The following ZNF774 variants were observed in gnomAD, a reference collection of about 807,000 sequenced individuals.
ZNF774 encodes zinc finger protein 774.
Under a neutral mutation model 11.1 loss-of-function variants are expected in ZNF774, and 14 were observed. The ratio of observed to expected loss-of-function variants is 1.26; its 90% CI spans 0.83 to 1.97. The LOEUF (loss-of-function observed/expected upper bound fraction) is 1.97. ZNF774 is among the 30% of genes most tolerant of loss of function. ZNF774 has a pLI of 0.00. For missense variants in ZNF774, 599 were observed against 587.0 expected, an observed-to-expected ratio of 1.02 and a Z score of -0.21; for synonymous variants, 195 against 212.6, an observed-to-expected ratio of 0.92 and a Z score of 0.72.
intron 3 of ZNF774, among the ~76,000 whole-genome samples, chr15:90,359,832 T>C (rs1393919284): frequency 3.0e-5 from 4 of 135,586 alleles, no homozygotes; most frequent in African/African-American, 9.9e-5. Flanking sequence ...TCAAGATTCA[T>C]CTGGCCATCT....
Position 90,360,853 on chromosome 15 carries a change from A to G in ZNF774, c.1022A>G (p.His341Arg), listed in dbSNP as rs772544345. 2.5e-5 allele frequency: 40 copies of G among 1,614,172 alleles called. No homozygotes were observed. The Middle Eastern group carries it at 4.9e-4, about 20-fold the overall frequency. ...SSHFVAHMST[H>R]SGERPFSCPD... Reference sequence around the variant, plus strand: ...CATTTTGTAGCTCACATGAGCACTCATTCAGGAGAGAGGCCTTTCAGTTGT... The same window carrying G: ...CATTTTGTAGCTCACATGAGCACTCGTTCAGGAGAGAGGCCTTTCAGTTGT... Residue 341 changes from histidine (H) to arginine (R), a missense_variant, in exon 4 of 4, where the codon CAT (histidine) becomes CGT (arginine). His to Arg is a conservative substitution (Grantham distance 29). Coordinates refer to ENST00000354377, the MANE Select transcript of ZNF774 (RefSeq NM_001004309.3).
intron 2 of ZNF774, among the ~76,000 whole-genome samples, chr15:90,358,365 T>C (rs1964276228): frequency 6.6e-6 from 1 of 152,240 alleles, no homozygotes; most frequent in Non-Finnish European, 1.5e-5. Context: ...ATGGAATTTC[T>C]TTGATTATAG....
In ZNF774 at chr15:90,362,380, C is replaced by G. The variant is rs1964348708; in HGVS notation, c.*1097C>G. Reference sequence around the variant, plus strand: ...CCTACAATGAACAAGCCAGAGGGACCTGGTAGAGGACTATAAAATTGTGGA... The same window carrying G: ...CCTACAATGAACAAGCCAGAGGGACGTGGTAGAGGACTATAAAATTGTGGA... On this transcript the variant is annotated 3_prime_UTR_variant, in exon 4 of 4. Transcript: ENST00000354377. 4.8e-6 allele frequency: 3 copies of G among 623,678 alleles called. No homozygotes were observed. Among genetic ancestry groups the G allele is most frequent in the East Asian group, 5.5e-5 (2 of 36,146 alleles). 38.6% of individuals were successfully genotyped at this position (623,678 alleles called of 1,614,324 possible). A position where few individuals can be genotyped will look rare whatever the true frequency, so the allele number is the denominator to read the frequency against.
At chr15:90,353,620 A>G (rs565047258) in intron 1 of ZNF774, among the ~76,000 whole-genome samples, 7 of 150,712 alleles carry the variant, frequency 4.6e-5, no homozygotes, top group African/African-American at 1.7e-4. Flanking sequence ...AGGGAGAGAC[A>G]GGGGCTCACT....
At position 90,361,310 on chromosome 15, in the gene ZNF774, C is replaced by G. The variant is rs1964334299; in HGVS notation, c.*27C>G. 1 of 1,550,286 alleles carries G rather than the reference C, an allele frequency of 6.5e-7. No individual in the cohort carries two copies. Among genetic ancestry groups the G allele is most frequent in the East Asian group, 2.3e-5 (1 of 44,378 alleles). On this transcript the variant is annotated 3_prime_UTR_variant, in exon 4 of 4. Coordinates refer to ENST00000354377, the MANE Select transcript of ZNF774 (RefSeq NM_001004309.3). ...AAGTAGTCTTTGGTGTTCAGCTGCT[C>G]CCTTGCACATTTTCATTGCTACTGT...
rs765658667 is a variant in ZNF774 at position 90,358,941 on chromosome 15, G to A, written c.195G>A (p.Pro65=). 11 of 1,613,444 alleles carry A rather than the reference G, an allele frequency of 6.8e-6. No homozygotes were observed. Among genetic ancestry groups the A allele is most frequent in the Admixed American group, 5.0e-5 (3 of 59,984 alleles). The change falls in exon 3 of 4, where the codon CCG becomes CCA. Residue 65 remains proline, a synonymous_variant. Transcript: ENST00000354377. ...PLQNFEARKI[P]RESHTDCEHQ... ...AAAACTTTGAGGCGAGGAAGATCCC[G>A]AGGGAAAGCCACACAGGTGAGATGT...
chr15:90,357,480 G>A (rs1964264030), intron 2 of ZNF774, among the ~76,000 whole-genome samples: 1 of 152,346 alleles, frequency 6.6e-6, no homozygotes, highest in African/African-American at 2.4e-5. Flanking sequence ...TCCAGCCTGG[G>A]TGACAGAGCA....
chr15:90,362,428 A>G lies in ZNF774; in HGVS notation c.*1145A>G, dbSNP rs1964349235. 4 of 937,138 alleles carry G rather than the reference A, an allele frequency of 4.3e-6. No homozygotes were observed. The highest frequency in any genetic ancestry group is 4.9e-6 in the Non-Finnish European group (3 of 614,986). 58.1% of individuals were successfully genotyped at this position (937,138 alleles called of 1,614,324 possible). The stretch of plus-strand genomic sequence containing the variant: ...GGAAGCAAAATTGCTGAGAATGTCA[A>G]ATGATATTACAGGGATCCTCCCTGG... On this transcript the variant is annotated 3_prime_UTR_variant, in exon 4 of 4. Coordinates refer to ENST00000354377, the MANE Select transcript of ZNF774 (RefSeq NM_001004309.3).
Position 90,360,317 on chromosome 15 carries a change from G to C in ZNF774, c.486G>C (p.Gln162His). ...MCAECGKSFN[Q>H]SSYLIRHLRT... ...CAGAATGCGGGAAAAGCTTTAACCA[G>C]AGTTCCTATCTCATAAGACACCTAA... The change falls in exon 4 of 4, where the codon CAG (glutamine) becomes CAC (histidine). Residue 162 changes from glutamine (Q) to histidine (H), a missense_variant. Gln to His is a conservative substitution (Grantham distance 24, BLOSUM62 0). Transcript: ENST00000354377. The C allele has an allele frequency of 6.2e-7, 1 of 1,614,200 alleles. No individual in the cohort carries two copies. The highest frequency in any genetic ancestry group is 1.3e-5 in the African/African-American group (1 of 75,048).
intron 1 of ZNF774, among the ~76,000 whole-genome samples, chr15:90,352,694 G>A (rs1964189693): frequency 6.6e-6 from 1 of 152,154 alleles, no homozygotes; most frequent in Non-Finnish European, 1.5e-5. Context: ...CGCGAGCACC[G>A]AGAAGAAGAA....
At position 90,361,056 on chromosome 15, in the gene ZNF774, G is replaced by C. The variant is rs1567102963; in HGVS notation, c.1225G>C (p.Gly409Arg). ...GERPYKCGEC[G>R]KSFNQSSHFI... ...AAGACCCTACAAATGTGGAGAGTGT[G>C]GGAAGAGCTTCAATCAGAGCTCCCA... is the stretch of plus-strand genomic sequence containing the variant. The change falls in exon 4 of 4, where the codon GGG becomes CGG. Residue 409 changes from glycine to arginine, a missense_variant. Physicochemically the swap from Gly to Arg is moderately radical, Grantham distance 125. Transcript: ENST00000354377. 6.2e-7 allele frequency: 1 copy of C among 1,614,172 alleles called. No individual in the cohort carries two copies. Among genetic ancestry groups the C allele is most frequent in the Non-Finnish European group, 8.5e-7 (1 of 1,180,010 alleles).
intron 3 of ZNF774, among the ~76,000 whole-genome samples, chr15:90,359,411 G>T (rs1158104341): frequency 3.3e-5 from 5 of 151,762 alleles, no homozygotes; most frequent in African/African-American, 1.2e-4. Context: ...GTCAGTAGTT[G>T]ACTAAATAAA....
At chr15:90,355,652 G>A (rs1252317247) in intron 2 of ZNF774, among the ~76,000 whole-genome samples, 1 of 150,316 alleles carries the variant, frequency 6.7e-6, no homozygotes, top group Non-Finnish European at 1.5e-5. Context: ...GAACCTGGGA[G>A]GTGGAGGTTG....
At chr15:90,358,995 C>G in intron 3 of ZNF774, 38 bp downstream of exon 3, 1 of 1,514,228 alleles carries the variant, frequency 6.6e-7, no homozygotes, top group Non-Finnish European at 9.1e-7. Context: ...GGAAATCTAG[C>G]ATTTCAGCCT....
intron 2 of ZNF774, among the ~76,000 whole-genome samples, chr15:90,356,301 C>A (rs952635952): frequency 6.6e-6 from 1 of 151,826 alleles, no homozygotes; most frequent in Non-Finnish European, 1.5e-5. Flanking sequence ...CTACTGACCT[C>A]AAGTGATCCG....
chr15:90,360,162 TG>T lies in ZNF774; in HGVS notation c.334del (p.Glu112SerfsTer4), dbSNP rs1266782146. On this transcript the variant is annotated frameshift_variant, in exon 4 of 4. Transcript: ENST00000354377. LOFTEE classifies it low-confidence loss of function (END_TRUNC). ...TCATACTCTTAGTTGGGGAGGAAACTGGGAGCAAGGCCTAGAATTAGAAGGG... is the reference window on the plus strand; with the variant it reads ...TCATACTCTTAGTTGGGGAGGAAACTGGAGCAAGGCCTAGAATTAGAAGGG... Reference protein sequence around the residue: ...LSHTLSWGGNWEQGLELEGQH... With the variant: ...LSHTLSWGGNXEQGLELEGQH... 4 of 1,614,174 alleles carry T rather than the reference TG, an allele frequency of 2.5e-6. No homozygotes were observed. In the East Asian group the frequency reaches 8.9e-5, roughly 36 times the overall value.
In ZNF774 at chr15:90,360,165, G is replaced by C; in HGVS notation, c.334G>C (p.Glu112Gln). Reference protein sequence around the residue: ...SHTLSWGGNWEQGLELEGQHG... With the variant: ...SHTLSWGGNWQQGLELEGQHG... ...TACTCTTAGTTGGGGAGGAAACTGG[G>C]AGCAAGGCCTAGAATTAGAAGGGCA... is the stretch of plus-strand genomic sequence containing the variant. Residue 112 changes from glutamate (E) to glutamine (Q), a missense_variant, in exon 4 of 4, where the codon GAG becomes CAG. Transcript: ENST00000354377. 6.2e-7 allele frequency: 1 copy of C among 1,614,204 alleles called. No homozygotes were observed. Among genetic ancestry groups the C allele is most frequent in the South Asian group, 1.1e-5 (1 of 91,088 alleles).
chr15:90,358,279 C>T (rs36098687), intron 2 of ZNF774, among the ~76,000 whole-genome samples: 20,070 of 152,210 alleles, frequency 0.13, 1,457 homozygotes, highest in African/African-American at 0.18. Flanking sequence ...GATGATGACT[C>T]AGACCCAGGC....
At position 90,360,213 on chromosome 15, in the gene ZNF774, GGCCAGCTGGA is replaced by G; in HGVS notation, c.384_393del (p.Gln129ProfsTer8). Reference sequence around the variant, plus strand: ...GCAACATGGAACCCTTCCAGGAGAGGGCCAGCTGGAGTCCTTTTCACAGGAGAGGGATTTA... The same window carrying G: ...GCAACATGGAACCCTTCCAGGAGAGGGTCCTTTTCACAGGAGAGGGATTTA... On this transcript the variant is annotated frameshift_variant, in exon 4 of 4. Coordinates refer to ENST00000354377, the MANE Select transcript of ZNF774 (RefSeq NM_001004309.3). LOFTEE classifies it low-confidence loss of function (END_TRUNC). 1 of 1,614,158 alleles carries G rather than the reference GGCCAGCTGGA, an allele frequency of 6.2e-7. No individual in the cohort carries two copies. Among genetic ancestry groups the G allele is most frequent in the African/African-American group, 1.3e-5 (1 of 75,014 alleles).
Sources: gnomAD v4.1 joint callset for allele counts (sites outside exome capture counted in the v4.1 genomes callset) on GRCh38, gnomAD v4.1.1 for gene constraint, MANE v1.5 for transcripts, NCBI Gene and HGNC (gene_info 2026-07-23, HGNC 2026-07-21) for gene names.